TIAM1: variants seen among roughly 807,000 people sequenced by gnomAD.
TIAM1 encodes the protein rho guanine nucleotide exchange factor TIAM1.
In TIAM1, 65 loss-of-function variants were observed where a neutral mutation model predicts 163.5. The observed-to-expected ratio is 0.40, with a 90% CI of 0.33 to 0.49. TIAM1 has a LOEUF of 0.49. Among genes scored for constraint, TIAM1 ranks in the 20% least tolerant of loss-of-function variants. The pLI is 0.77. For synonymous variants in TIAM1, 833 were observed against 810.1 expected (o/e 1.03, Z -0.48); for missense variants, 1,789 against 2,044.7 (o/e 0.87, Z 2.41).
intron 16 of TIAM1, among the ~76,000 whole-genome samples, chr21:31,161,811 A>C (rs568644355): frequency 6.6e-6 from 1 of 152,216 alleles, no homozygotes; most frequent in South Asian, 2.1e-4. Context: ...ACAGCTAACG[A>C]TTGAAAAATT....
At chr21:31,375,337 C>T (rs917782025) in intron 2 of TIAM1, among the ~76,000 whole-genome samples, 7 of 152,140 alleles carry the variant, frequency 4.6e-5, no homozygotes, top group African/African-American at 1.7e-4. Flanking sequence ...CAAAAATGTA[C>T]ATGCATTTGT....
chr21:31,244,680 G>A (rs1245405223), intron 6 of TIAM1, among the ~76,000 whole-genome samples: 7 of 152,212 alleles, frequency 4.6e-5, no homozygotes, highest in South Asian at 2.1e-4. Context: ...AGCTGAGATC[G>A]TGCCACTGCA....
chr21:31,242,913 G>A (rs1376936149), intron 6 of TIAM1, among the ~76,000 whole-genome samples: 1 of 149,720 alleles, frequency 6.7e-6, no homozygotes, highest in African/African-American at 2.4e-5. Flanking sequence ...ATGACCAGGT[G>A]CAGTGGCTCA....
At chr21:31,357,439 G>A (rs2076333832) in intron 2 of TIAM1, among the ~76,000 whole-genome samples, 1 of 152,070 alleles carries the variant, frequency 6.6e-6, no homozygotes, top group Non-Finnish European at 1.5e-5. Context: ...CTGCATGCAG[G>A]TATATACACT....
intron 2 of TIAM1, among the ~76,000 whole-genome samples, chr21:31,384,470 T>C (rs1011324478): frequency 4.0e-5 from 6 of 151,470 alleles, no homozygotes; most frequent in Admixed American, 1.3e-4. Flanking sequence ...AGCTACTCAG[T>C]AGGCTGAGGT....
At chr21:31,246,666 G>A (rs1234694269) in intron 5 of TIAM1, among the ~76,000 whole-genome samples, 5 of 152,136 alleles carry the variant, frequency 3.3e-5, no homozygotes, top group African/African-American at 4.8e-5. Context: ...GCTTATATGC[G>A]ATTAGTAGTG....
intron 5 of TIAM1, among the ~76,000 whole-genome samples, chr21:31,249,419 C>T (rs1483610573): frequency 4.6e-5 from 7 of 152,280 alleles, no homozygotes; most frequent in African/African-American, 1.7e-4. Context: ...TGGTGCTTTG[C>T]TATGGCAGCC....
intron 6 of TIAM1, among the ~76,000 whole-genome samples, chr21:31,236,434 C>T (rs2088767124): frequency 6.6e-6 from 1 of 152,030 alleles, no homozygotes; most frequent in Non-Finnish European, 1.5e-5. Context: ...ACTAAGTCAA[C>T]ACGGAAACCA....
At chr21:31,328,231 T>C (rs1369692692) in intron 2 of TIAM1, among the ~76,000 whole-genome samples, 1 of 152,172 alleles carries the variant, frequency 6.6e-6, no homozygotes, top group South Asian at 2.1e-4. Context: ...TCCCACATGG[T>C]ACATGTTGTA....
At chr21:31,272,355 T>G (rs2073094401) in intron 3 of TIAM1, among the ~76,000 whole-genome samples, 1 of 152,106 alleles carries the variant, frequency 6.6e-6, no homozygotes, top group South Asian at 2.1e-4. Flanking sequence ...TAAAAGGTAT[T>G]TTAAGAAACT....
chr21:31,193,119 C>G (rs991222209), intron 13 of TIAM1, among the ~76,000 whole-genome samples: 2 of 152,184 alleles, frequency 1.3e-5, no homozygotes, highest in African/African-American at 4.8e-5. Context: ...GAAGACTGGT[C>G]TTAAACATAT....
intron 2 of TIAM1, among the ~76,000 whole-genome samples, chr21:31,410,986 C>T (rs896175399): frequency 6.6e-6 from 1 of 152,136 alleles, no homozygotes; most frequent in African/African-American, 2.4e-5. Flanking sequence ...TGTTACATCA[C>T]GGCCACAAGG....
chr21:31,361,796 T>A (rs1037542573), intron 2 of TIAM1, among the ~76,000 whole-genome samples: 1 of 152,044 alleles, frequency 6.6e-6, no homozygotes, highest in East Asian at 1.9e-4. Context: ...ATTAAACTAA[T>A]AGCAGATGAT....
At chr21:31,529,188 G>C (rs549606778) in intron 1 of TIAM1, among the ~76,000 whole-genome samples, 1 of 151,632 alleles carries the variant, frequency 6.6e-6, no homozygotes, top group Non-Finnish European at 1.5e-5. Context: ...CAAAGTGCTG[G>C]GATTACAGGT....
At chr21:31,438,679 T>C (rs769098554) in intron 2 of TIAM1, among the ~76,000 whole-genome samples, 2 of 152,180 alleles carry the variant, frequency 1.3e-5, no homozygotes, top group Non-Finnish European at 2.9e-5. Context: ...CACTTCTTAC[T>C]ACCAACTACC....
intron 1 of TIAM1, among the ~76,000 whole-genome samples, chr21:31,481,733 A>G (rs1478784687): frequency 2.0e-5 from 3 of 152,138 alleles, no homozygotes; most frequent in Non-Finnish European, 4.4e-5. Flanking sequence ...CCCAGCTCCC[A>G]CACCCTCTCT....
intron 15 of TIAM1, among the ~76,000 whole-genome samples, chr21:31,166,917 G>A (rs939964373): frequency 2.6e-5 from 4 of 152,074 alleles, no homozygotes; most frequent in Non-Finnish European, 5.9e-5. Flanking sequence ...CAGGAGGCAC[G>A]ACTGACAGGG....
At chr21:31,531,034 A>G (rs2047951875) in intron 1 of TIAM1, among the ~76,000 whole-genome samples, 1 of 152,076 alleles carries the variant, frequency 6.6e-6, no homozygotes, top group African/African-American at 2.4e-5. Flanking sequence ...TACTTTTCCA[A>G]GCAGAATCTC....
intron 6 of TIAM1, among the ~76,000 whole-genome samples, chr21:31,236,378 G>A (rs1290277112): frequency 6.6e-6 from 1 of 152,158 alleles, no homozygotes; most frequent in African/African-American, 2.4e-5. Flanking sequence ...CTGGCTAGGG[G>A]CAGGGATATA....
Sources: allele counts gnomAD v4.1 joint callset (sites outside exome capture counted in the v4.1 genomes callset), GRCh38; gene constraint gnomAD v4.1.1; transcripts MANE v1.5; gene names NCBI Gene and HGNC (gene_info 2026-07-23, HGNC 2026-07-21).